The following HDAC9 variants were observed in gnomAD, a reference collection of about 807,000 sequenced individuals.
HDAC9 encodes MEF-2 interacting transcription repressor (MITR) protein.
HDAC9 carries 41 observed loss-of-function variants against 139.4 expected under a neutral mutation model. The ratio of observed to expected loss-of-function variants is 0.29; its 90% CI spans 0.23 to 0.38. The LOEUF is 0.38. Among genes scored for constraint, HDAC9 ranks in the 10% least tolerant of loss-of-function variants. The pLI, the probability that HDAC9 is intolerant of heterozygous loss-of-function variation, is 1.00. For missense variants in HDAC9, 1,147 were observed against 1,297.0 expected (o/e 0.88, Z 1.78); for synonymous variants, 517 against 476.2 (o/e 1.09, Z -1.12).
intron 6 of HDAC9, among the ~76,000 whole-genome samples, chr7:18,628,485 C>CCACCACCAT (rs1237750025): frequency 2.0e-5 from 3 of 152,146 alleles, no homozygotes; most frequent in African/African-American, 7.2e-5. Flanking sequence ...ATGATCATTA[C>CCACCACCAT]CACCACCATC....
At position 18,424,862 on chromosome 7, in the gene HDAC9, C is replaced by T. The variant is rs1421219987; in HGVS notation, c.-41-71400C>T. Among the ~76,000 whole-genome samples the T allele has an allele frequency of 2.0e-5, 3 of 152,096 alleles. No homozygotes were observed. The East Asian group carries it at 5.8e-4, about 29-fold the overall frequency. ...AGTTTGCAGTGAGCCAAGATATCAC[C>T]ACTGCACTCCAGCCTGGGCAACAGA... On this transcript the variant is annotated intron_variant, in intron 1 of 3. Transcript: ENST00000413509.
At chr7:18,925,999 G>A (rs7789752) in intron 22 of HDAC9, among the ~76,000 whole-genome samples, 132,690 of 152,046 alleles carry the variant, frequency 0.87, 58,017 homozygotes, top group Admixed American at 0.91. Flanking sequence ...ATTGGAGTAT[G>A]TAAACTTGCA....
At chr7:18,529,820 C>T (rs145461324) in intron 2 of HDAC9, among the ~76,000 whole-genome samples, 1 of 151,998 alleles carries the variant, frequency 6.6e-6, no homozygotes, top group Admixed American at 6.6e-5. Flanking sequence ...TTTCATTGAT[C>T]TGATGTGGTT....
At chr7:18,871,826 G>C (rs1156503833) in intron 21 of HDAC9, among the ~76,000 whole-genome samples, 1 of 152,126 alleles carries the variant, frequency 6.6e-6, no homozygotes, top group Admixed American at 6.6e-5. Context: ...AAAATAAAGA[G>C]ATCTGTGGAG....
intron 16 of HDAC9, among the ~76,000 whole-genome samples, chr7:18,768,133 C>A (rs1291141028): frequency 6.6e-6 from 1 of 152,160 alleles, no homozygotes; most frequent in Non-Finnish European, 1.5e-5. Flanking sequence ...TGAGGACTTA[C>A]AGTTTGCCGA....
chr7:18,426,677 A>G (rs1179687813), intron 1 of HDAC9, among the ~76,000 whole-genome samples: 1 of 151,896 alleles, frequency 6.6e-6, no homozygotes, highest in Non-Finnish European at 1.5e-5. Context: ...TTTATTTACC[A>G]CTCTCATCCT....
chr7:18,435,746 T>G (rs1353317722), intron 1 of HDAC9, among the ~76,000 whole-genome samples: 1 of 151,758 alleles, frequency 6.6e-6, no homozygotes, highest in African/African-American at 2.4e-5. Flanking sequence ...GACTTCTTAT[T>G]TTCAATCACA....
chr7:18,749,159 C>G, intron 14 of HDAC9, 21 bp downstream of exon 14: 1 of 1,611,534 alleles, frequency 6.2e-7, no homozygotes, highest in South Asian at 1.1e-5. Flanking sequence ...ATTGGACACA[C>G]TCTTTTACTT....
At chr7:18,315,278 T>C (rs1387874276) in intron 1 of HDAC9, among the ~76,000 whole-genome samples, 1 of 152,218 alleles carries the variant, frequency 6.6e-6, no homozygotes, top group Non-Finnish European at 1.5e-5. Flanking sequence ...GTGTTTACCA[T>C]ATGTATGAAT....
At chr7:18,167,342 G>T (rs530468124) in intron 2 of HDAC9, among the ~76,000 whole-genome samples, 1 of 152,184 alleles carries the variant, frequency 6.6e-6, no homozygotes, top group East Asian at 1.9e-4. Context: ...GAAGGACAGT[G>T]CTTTAATAAG....
intron 2 of HDAC9, among the ~76,000 whole-genome samples, chr7:18,172,353 A>C (rs1289875167): frequency 6.6e-6 from 1 of 151,918 alleles, no homozygotes; most frequent in African/African-American, 2.4e-5. Flanking sequence ...CTTCTTTATT[A>C]GTCTTGCTAG....
chr7:18,148,665 G>A lies in HDAC9; in HGVS notation c.-96-13564G>A, dbSNP rs6958112. Among the ~76,000 whole-genome samples the A allele has an allele frequency of 9.4e-3, 1,430 of 152,044 alleles. 22 individuals carry two copies. Among genetic ancestry groups the A allele is most frequent in the African/African-American group, 0.032 (1,326 of 41,442 alleles). On this transcript the variant is annotated intron_variant, in intron 1 of 12. Coordinates refer to the HDAC9 transcript ENST00000417496. ...AGTAGAGATGGGATTTCACCATGTT[G>A]GCCAGGCTGGTCTCGAACTCCTGAC...
intron 17 of HDAC9, among the ~76,000 whole-genome samples, chr7:18,827,610 G>C (rs1795550646): frequency 6.6e-6 from 1 of 152,060 alleles, no homozygotes; most frequent in South Asian, 2.1e-4. Flanking sequence ...TTTTTTAATA[G>C]CTACTGGTTA....
chr7:18,810,675 G>T (rs1418394567), intron 17 of HDAC9, among the ~76,000 whole-genome samples: 1 of 151,766 alleles, frequency 6.6e-6, no homozygotes, highest in Non-Finnish European at 1.5e-5. Flanking sequence ...CATGTCCCTG[G>T]TAGTAGACCT....
intron 1 of HDAC9, among the ~76,000 whole-genome samples, chr7:18,319,492 A>G (rs1799883403): frequency 6.6e-6 from 1 of 152,240 alleles, no homozygotes; most frequent in African/African-American, 2.4e-5. Flanking sequence ...TATAAATTTA[A>G]AAATAAGTCA....
intron 17 of HDAC9, among the ~76,000 whole-genome samples, chr7:18,794,586 G>T (rs1792618608): frequency 6.6e-6 from 1 of 152,294 alleles, no homozygotes; most frequent in Non-Finnish European, 1.5e-5. Flanking sequence ...CATCTCAGGG[G>T]ATATATGGGG....
At chr7:18,383,164 A>G (rs1034605512) in intron 1 of HDAC9, among the ~76,000 whole-genome samples, 6 of 152,330 alleles carry the variant, frequency 3.9e-5, no homozygotes, top group African/African-American at 1.4e-4. Flanking sequence ...AAGAAGAGAA[A>G]TAAAGTCACC....
At chr7:18,436,117 C>T (rs916511988) in intron 1 of HDAC9, among the ~76,000 whole-genome samples, 2 of 151,712 alleles carry the variant, frequency 1.3e-5, no homozygotes, top group Non-Finnish European at 2.9e-5. Context: ...TGCACTTGGC[C>T]GATTTTCCAA....
At chr7:18,380,762 A>T (rs911625547) in intron 1 of HDAC9, among the ~76,000 whole-genome samples, 3 of 152,232 alleles carry the variant, frequency 2.0e-5, no homozygotes, top group African/African-American at 7.2e-5. Flanking sequence ...AAACAAGTGC[A>T]TAATTTTCAA....
Sources: allele counts gnomAD v4.1 joint callset (sites outside exome capture counted in the v4.1 genomes callset), GRCh38; gene constraint gnomAD v4.1.1; transcripts MANE v1.5; gene names NCBI Gene and HGNC (gene_info 2026-07-23, HGNC 2026-07-21).